The following ZFYVE16 variants were observed in gnomAD, a reference collection of about 807,000 sequenced individuals.
ZFYVE16 encodes zinc finger FYVE domain-containing protein 16.
In ZFYVE16, 89 loss-of-function variants were observed where a neutral mutation model predicts 138.1. That is an observed-to-expected ratio of 0.64 (90% CI 0.54 to 0.77). ZFYVE16 has a LOEUF of 0.77. Among genes scored for constraint, ZFYVE16 ranks in the 30% least tolerant of loss-of-function variants. The probability of loss-of-function intolerance (pLI) is 0.00; values close to 1 mark genes in which losing one functional copy is unlikely to be tolerated. For missense variants in ZFYVE16, 1,793 were observed against 1,786.7 expected (o/e 1.00, Z -0.06); for synonymous variants, 596 against 618.3 (o/e 0.96, Z 0.53).
At chr5:80,451,809 A>G in intron 11 of ZFYVE16, 100 bp downstream of exon 11, 1 of 1,177,770 alleles carries the variant, frequency 8.5e-7, no homozygotes, top group Non-Finnish European at 1.2e-6. Flanking sequence ...GATTAATGGA[A>G]CTACTTTTGT....
At position 80,434,220 on chromosome 5, in the gene ZFYVE16, T is replaced by G; in HGVS notation, c.70+3T>G. 1.2e-6 allele frequency: 2 copies of G among 1,612,790 alleles called. No individual in the cohort carries two copies. The highest frequency in any genetic ancestry group is 1.7e-6 in the Non-Finnish European group (2 of 1,179,188). ...TGATGATTTTGAACAGAACCCAGGT[T>G]TGTTGATTTTCCATTTTTGCCGCTA... On this transcript the variant is annotated splice_donor_region_variant and intron_variant, in intron 3 of 18. Transcript: ENST00000505560.
At chr5:80,477,129 G>T in intron 18 of ZFYVE16, 90 bp from the exon 19 acceptor site, 1 of 1,101,584 alleles carries the variant, frequency 9.1e-7, no homozygotes, top group Non-Finnish European at 1.3e-6. Context: ...TGCTTGAACT[G>T]TATTTTAAAA....
intron 2 of ZFYVE16, 146 bp from the exon 3 acceptor site, chr5:80,433,963 C>T: frequency 1.0e-5 from 5 of 494,954 alleles, no homozygotes; most frequent in South Asian, 9.9e-5. Context: ...GGGCAGTTTC[C>T]CCAACTAAAT....
rs796239048 is a variant in ZFYVE16 at position 80,464,933 on chromosome 5, CCTGTTTATCG to C, written c.4024+5440_4024+5449del. Among the ~76,000 whole-genome samples the C allele has an allele frequency of 4.9e-4, 75 of 152,194 alleles. 1 individual carries two copies. Among genetic ancestry groups the C allele is most frequent in the African/African-American group, 1.7e-3 (72 of 41,564 alleles). ...TTCCATAGTATATAAAAACTTTACT[CCTGTTTATCG>C]TTTCCTCTCTACTCCTTTGTGTCAT... On this transcript the variant is annotated intron_variant, in intron 15 of 18. Transcript: ENST00000505560.
intron 2 of ZFYVE16, among the ~76,000 whole-genome samples, chr5:80,433,305 G>T (rs1176545782): frequency 6.6e-6 from 1 of 152,156 alleles, no homozygotes; most frequent in African/African-American, 2.4e-5. Flanking sequence ...GATGAAGCTG[G>T]AAACCATCAT....
intron 4 of ZFYVE16, among the ~76,000 whole-genome samples, chr5:80,439,389 T>A (rs1164837896): frequency 6.6e-6 from 1 of 152,182 alleles, no homozygotes; most frequent in Non-Finnish European, 1.5e-5. Context: ...AGTGTTGTGA[T>A]CAATGCCCAG....
chr5:80,412,973 G>A (rs1362002669), intron 1 of ZFYVE16, among the ~76,000 whole-genome samples: 4 of 151,820 alleles, frequency 2.6e-5, no homozygotes, highest in Admixed American at 2.6e-4. Context: ...CCAGGAGTTT[G>A]AGACCATTCT....
chr5:80,422,481 C>G (rs959622001), intron 1 of ZFYVE16, among the ~76,000 whole-genome samples: 1 of 152,110 alleles, frequency 6.6e-6, no homozygotes, highest in Non-Finnish European at 1.5e-5. Context: ...GACAGAGTCT[C>G]GCTCTGTCTG....
In ZFYVE16 at chr5:80,473,648, ATCT is replaced by A. The variant is rs367819840; in HGVS notation, c.4188-101_4188-99del. The A allele has an allele frequency of 3.5e-5, 24 of 692,946 alleles. 1 individual carries two copies. The African/African-American group carries it at 4.0e-4, about 12-fold the overall frequency. 42.9% of individuals were successfully genotyped at this position (692,946 alleles called of 1,614,324 possible). On this transcript the variant is annotated intron_variant, in intron 16 of 18. Transcript: ENST00000505560. Reference sequence around the variant, plus strand: ...TAGTTATTTTGTATATAATTGACATATCTTCTTTTATATTTTTTCCCTCATTCC... The same window carrying A: ...TAGTTATTTTGTATATAATTGACATATCTTTTATATTTTTTCCCTCATTCC...
Position 80,438,727 on chromosome 5 carries a change from C to T in ZFYVE16, c.2042C>T (p.Ala681Val), listed in dbSNP as rs1750298583. 6.8e-6 allele frequency: 11 copies of T among 1,614,136 alleles called. No individual in the cohort carries two copies. The highest frequency in any genetic ancestry group is 9.3e-6 in the Non-Finnish European group (11 of 1,179,994). ...PDTIESEPST[A>V]DTVVPITCAI... ...ACAATAGAAAGTGAACCCAGCACAG[C>T]AGATACCGTTGTTCCAATCACTTGT... The change falls in exon 4 of 19, where the codon GCA becomes GTA. Residue 681 changes from alanine to valine, a missense_variant. Physicochemically the swap from Ala to Val is moderately conservative, Grantham distance 64 (BLOSUM62 0). Coordinates refer to ENST00000505560, the MANE Select transcript of ZFYVE16 (RefSeq NM_001284236.3).
At chr5:80,449,469 A>AT (rs1216439616) in intron 8 of ZFYVE16, 122 bp from the exon 9 acceptor site, 1 of 1,001,204 alleles carries the variant, frequency 1.0e-6, no homozygotes, top group African/African-American at 1.7e-5. Flanking sequence ...TTTATGAAAC[A>AT]TGTTTGCTTC....
chr5:80,426,268 GTGTGTA>G (rs1456289262), intron 1 of ZFYVE16, among the ~76,000 whole-genome samples: 34 of 50,272 alleles, frequency 6.8e-4, no homozygotes, highest in Non-Finnish European at 4.5e-4. Context: ...GTGTGTGTGT[GTGTGTA>G]TATATATATA....
At chr5:80,419,052 A>G (rs1333764138) in intron 1 of ZFYVE16, among the ~76,000 whole-genome samples, 2 of 150,720 alleles carry the variant, frequency 1.3e-5, no homozygotes, top group African/African-American at 4.9e-5. Flanking sequence ...TCCTTTGTCA[A>G]AGATCGGTGT....
At chr5:80,452,131 G>A (rs114879256) in intron 11 of ZFYVE16, 4,548 of 159,424 alleles carry the variant, frequency 0.029, 78 homozygotes, top group South Asian at 0.048. Context: ...TGAGCATCAC[G>A]TTGGCATTTG....
rs143240411 is a variant in ZFYVE16 at position 80,419,925 on chromosome 5, C to T, written c.-93-7567C>T. ...CTCCCGGGTTCAAGCGATTCTCCTGCCTCAGCCTCCTGAGTAGCTGGGATT... is the reference window on the plus strand; with the variant it reads ...CTCCCGGGTTCAAGCGATTCTCCTGTCTCAGCCTCCTGAGTAGCTGGGATT... On this transcript the variant is annotated intron_variant, in intron 1 of 18. Coordinates refer to ENST00000505560, the MANE Select transcript of ZFYVE16 (RefSeq NM_001284236.3). 1.2e-3 allele frequency among the ~76,000 whole-genome samples: 185 copies of T among 151,896 alleles called. 2 individuals are homozygous for T. Among genetic ancestry groups the T allele is most frequent in the African/African-American group, 4.3e-3 (178 of 41,378 alleles).
chr5:80,422,910 G>A (rs572912700), intron 1 of ZFYVE16, among the ~76,000 whole-genome samples: 2 of 152,136 alleles, frequency 1.3e-5, no homozygotes, highest in African/African-American at 2.4e-5. Context: ...TCAATACATT[G>A]TTGGATTCAA....
chr5:80,472,636 A>G (rs1486796956), intron 15 of ZFYVE16, 125 bp from the exon 16 acceptor site: 5 of 995,814 alleles, frequency 5.0e-6, no homozygotes, highest in Non-Finnish European at 7.1e-6. Flanking sequence ...ACAACCATTA[A>G]GATGATTAGC....
At chr5:80,461,987 A>C (rs561909383) in intron 15 of ZFYVE16, among the ~76,000 whole-genome samples, 19 of 152,084 alleles carry the variant, frequency 1.2e-4, no homozygotes, top group Non-Finnish European at 8.8e-5. Context: ...CAAAACAAAA[A>C]AAAAACACCA....
intron 14 of ZFYVE16, among the ~76,000 whole-genome samples, chr5:80,458,873 C>A (rs1752804341): frequency 6.6e-6 from 1 of 152,196 alleles, no homozygotes; most frequent in African/African-American, 2.4e-5. Flanking sequence ...CTAATATAGG[C>A]ACAAACATTT....
Sources: allele counts gnomAD v4.1 joint callset (sites outside exome capture counted in the v4.1 genomes callset), GRCh38; gene constraint gnomAD v4.1.1; transcripts MANE v1.5; gene names NCBI Gene and HGNC (gene_info 2026-07-23, HGNC 2026-07-21).